KCND3: variants seen among roughly 807,000 people sequenced by gnomAD.
KCND3 encodes the protein A-type voltage-gated potassium channel KCND3.
A neutral mutation model predicts 51.1 loss-of-function variants in KCND3; 9 were observed. The observed-to-expected ratio is 0.18, with a 90% CI of 0.11 to 0.31. The LOEUF (loss-of-function observed/expected upper bound fraction) is 0.31, where lower values mean the gene tolerates loss of function less well. Among genes scored for constraint, KCND3 ranks in the 10% least tolerant of loss-of-function variants. The pLI, the probability that KCND3 is intolerant of heterozygous loss-of-function variation, is 1.00. For synonymous variants in KCND3, 349 were observed against 368.0 expected, an observed-to-expected ratio of 0.95 and a Z score of 0.59; for missense variants, 526 against 903.8, an observed-to-expected ratio of 0.58 and a Z score of 5.36.
At chr1:111,889,188 C>G (rs1449611056) in intron 2 of KCND3, among the ~76,000 whole-genome samples, 2 of 152,222 alleles carry the variant, frequency 1.3e-5, no homozygotes, top group African/African-American at 4.8e-5. Flanking sequence ...ACAGACATAA[C>G]CACCATAAGT....
intron 2 of KCND3, among the ~76,000 whole-genome samples, chr1:111,947,726 T>C (rs540720897): frequency 6.6e-6 from 1 of 152,290 alleles, no homozygotes; most frequent in African/African-American, 2.4e-5. Context: ...GATGCTGAGG[T>C]TTGGAAGAAC....
chr1:111,822,534 C>T (rs1256666804), intron 2 of KCND3, among the ~76,000 whole-genome samples: 1 of 152,190 alleles, frequency 6.6e-6, no homozygotes, highest in Non-Finnish European at 1.5e-5. Flanking sequence ...TAGCATGTGT[C>T]AGAATTTCCT....
In KCND3 at chr1:111,806,449, G is replaced by A. The variant is rs916967646; in HGVS notation, c.1107-19343C>T. On this transcript the variant is annotated intron_variant, in intron 2 of 7. Coordinates refer to ENST00000302127, the MANE Select transcript of KCND3 (RefSeq NM_001378969.1). Reference sequence around the variant, plus strand: ...TATGGGCTTTGGGCTCAGAAAAATCGTGGTCCTCAACCTGGGGACCATTTG... The same window carrying A: ...TATGGGCTTTGGGCTCAGAAAAATCATGGTCCTCAACCTGGGGACCATTTG... Among the ~76,000 whole-genome samples the A allele has an allele frequency of 3.9e-5, 6 of 152,246 alleles. 1 individual carries two copies.
chr1:111,933,164 C>A (rs949143254), intron 2 of KCND3, among the ~76,000 whole-genome samples: 1 of 152,150 alleles, frequency 6.6e-6, no homozygotes, highest in Non-Finnish European at 1.5e-5. Context: ...CTCTTTCCTG[C>A]CACCCTGTCA....
At chr1:111,905,573 T>A (rs779945116) in intron 2 of KCND3, among the ~76,000 whole-genome samples, 1 of 152,148 alleles carries the variant, frequency 6.6e-6, no homozygotes, top group Non-Finnish European at 1.5e-5. Flanking sequence ...AATGCAGATT[T>A]GTGGGTCTCG....
chr1:111,951,568 C>T (rs1434680400), intron 2 of KCND3, among the ~76,000 whole-genome samples: 2 of 152,228 alleles, frequency 1.3e-5, no homozygotes, highest in Admixed American at 6.5e-5. Flanking sequence ...CTCATTCATT[C>T]ATTCAACAAA....
At position 111,777,019 on chromosome 1, in the gene KCND3, C is replaced by A; in HGVS notation, c.1766+7G>T. 1.9e-6 allele frequency: 3 copies of A among 1,613,090 alleles called. No individual in the cohort carries two copies. The South Asian group carries it at 3.3e-5, about 18-fold the overall frequency. ...CCTTTGCGGGTGATGGGATGGAAGCCACCCACCTGGTTGTGAGGGAGGGCT... is the reference window on the plus strand; with the variant it reads ...CCTTTGCGGGTGATGGGATGGAAGCAACCCACCTGGTTGTGAGGGAGGGCT... On this transcript the variant is annotated splice_region_variant and intron_variant, in intron 7 of 7. Coordinates refer to ENST00000302127, the MANE Select transcript of KCND3 (RefSeq NM_001378969.1).
At chr1:111,880,034 G>T (rs1366210739) in intron 2 of KCND3, among the ~76,000 whole-genome samples, 1 of 152,194 alleles carries the variant, frequency 6.6e-6, no homozygotes, top group Non-Finnish European at 1.5e-5. Context: ...AGGATTGAAT[G>T]AAATTATACA....
At chr1:111,910,897 TTAAA>T (rs1413660388) in intron 2 of KCND3, 10 of 152,308 alleles carry the variant, frequency 6.6e-5, no homozygotes, top group African/African-American at 2.4e-4. Flanking sequence ...TATTTGTCCA[TTAAA>T]TAAATATGCA....
chr1:111,855,372 G>A (rs924964727), intron 2 of KCND3, among the ~76,000 whole-genome samples: 6 of 152,178 alleles, frequency 3.9e-5, no homozygotes, highest in African/African-American at 1.4e-4. Flanking sequence ...ATCTTCCAAG[G>A]TCAGGGAGGC....
chr1:111,800,552 TAAAAAAA>T (rs71580591), intron 2 of KCND3, among the ~76,000 whole-genome samples: 1 of 126,286 alleles, frequency 7.9e-6, no homozygotes, highest in Non-Finnish European at 1.8e-5. Context: ...AAAATAAATT[TAAAAAAA>T]AAAAAAAAAA....
intron 2 of KCND3, among the ~76,000 whole-genome samples, chr1:111,979,715 A>T (rs1185115780): frequency 6.6e-6 from 1 of 152,156 alleles, no homozygotes; most frequent in Non-Finnish European, 1.5e-5. Context: ...AGGGTACAGA[A>T]TTTTTTCCAA....
chr1:111,777,268 G>A lies in KCND3; in HGVS notation c.1524C>T (p.His508=), dbSNP rs765916708. 38 of 1,614,072 alleles carry A rather than the reference G, an allele frequency of 2.4e-5. No homozygotes were observed. The highest frequency in any genetic ancestry group is 4.5e-5 in the East Asian group (2 of 44,898). ...LSVRTSTIKN[H]EFIDEQMFEQ... Reference sequence around the variant, plus strand: ...CAAACATCTGCTCATCAATAAACTCGTGGTTCTGCGGGAGGCAGAAGGAGA... The same window carrying A: ...CAAACATCTGCTCATCAATAAACTCATGGTTCTGCGGGAGGCAGAAGGAGA... The change falls in exon 7 of 8, where the codon CAC becomes CAT. Residue 508 remains histidine (H), a synonymous_variant. Transcript: ENST00000302127.
chr1:111,945,971 C>G (rs1264857551), intron 2 of KCND3, among the ~76,000 whole-genome samples: 3 of 152,172 alleles, frequency 2.0e-5, no homozygotes, highest in Non-Finnish European at 4.4e-5. Context: ...CTCAGACAAG[C>G]TTTAGTTCCT....
chr1:111,787,213 A>G (rs1330866711), intron 2 of KCND3, 107 bp from the exon 3 acceptor site: 12 of 1,200,704 alleles, frequency 1.0e-5, no homozygotes, highest in Non-Finnish European at 1.5e-5. Flanking sequence ...TCATTCAGCA[A>G]TTGCTTAGAG....
intron 2 of KCND3, among the ~76,000 whole-genome samples, chr1:111,858,481 A>T (rs897154109): frequency 1.3e-5 from 2 of 152,216 alleles, no homozygotes; most frequent in Non-Finnish European, 2.9e-5. Context: ...AAAACTTTTT[A>T]AAAATTAGAC....
At chr1:111,857,911 T>A (rs929163769) in intron 2 of KCND3, among the ~76,000 whole-genome samples, 3 of 152,202 alleles carry the variant, frequency 2.0e-5, no homozygotes, top group African/African-American at 7.2e-5. Context: ...CAACTCATGT[T>A]TATGAACACC....
At chr1:111,900,194 G>A (rs1305327413) in intron 2 of KCND3, among the ~76,000 whole-genome samples, 1 of 152,120 alleles carries the variant, frequency 6.6e-6, no homozygotes, top group South Asian at 2.1e-4. Context: ...CCCCTGCCCG[G>A]AGGGAGAGAC....
At chr1:111,879,803 T>A (rs1157154242) in intron 2 of KCND3, among the ~76,000 whole-genome samples, 1 of 152,186 alleles carries the variant, frequency 6.6e-6, no homozygotes, top group Non-Finnish European at 1.5e-5. Flanking sequence ...GGAAAGTCAA[T>A]GTTTCTGTAA....
Sources: allele counts gnomAD v4.1 joint callset (sites outside exome capture counted in the v4.1 genomes callset), GRCh38; gene constraint gnomAD v4.1.1; transcripts MANE v1.5; gene names NCBI Gene and HGNC (gene_info 2026-07-23, HGNC 2026-07-21).